The following SLC29A1 variants were observed in gnomAD, a reference collection of about 807,000 sequenced individuals.
The protein encoded by SLC29A1 is solute carrier family 29 member 1 (Augustine blood group), also known as equilibrative nucleoside transporter 1.
A neutral mutation model predicts 48.3 loss-of-function variants in SLC29A1; 22 were observed. The ratio of observed to expected loss-of-function variants is 0.46; its 90% CI spans 0.33 to 0.65. The LOEUF (loss-of-function observed/expected upper bound fraction) is 0.65, where lower values mean the gene tolerates loss of function less well. SLC29A1 is among the 30% of genes least tolerant of loss of function. The pLI is 0.03. For missense variants in SLC29A1, 491 were observed against 575.3 expected (o/e 0.85, Z 1.50); for synonymous variants, 228 against 231.0 (o/e 0.99, Z 0.12).
At chr6:44,223,292 G>A (rs1776678121), upstream of SLC29A1, among the ~76,000 whole-genome samples, 1 of 151,804 alleles carries the variant, frequency 6.6e-6, no homozygotes, top group Non-Finnish European at 1.5e-5. The surrounding 1 kb of genome is among the most constrained non-coding windows in gnomAD (Gnocchi z 5.0). Flanking sequence ...AATTTTATGG[G>A]AGTCTGCGCA....
At position 44,230,029 on chromosome 6, in the gene SLC29A1, A is replaced by C. The variant is rs781595093; in HGVS notation, c.437A>C (p.Lys146Thr). 1.2e-6 allele frequency: 2 copies of C among 1,608,530 alleles called. No homozygotes were observed. The highest frequency in any genetic ancestry group is 1.7e-6 in the Non-Finnish European group (2 of 1,180,004). Residue 146 changes from lysine (K) to threonine (T), a missense_variant, in exon 5 of 13, where the codon AAG (lysine) becomes ACG (threonine). Transcript: ENST00000371755. ...CCCTTCTTTGTCATCACCATGATCA[A>C]GATCGTGCTCATTAATTGTAAGCTG... ...ALPFFVITMI[K>T]IVLINSFGAI...
Position 44,230,439 on chromosome 6 carries a change from G to A in SLC29A1, c.547G>A (p.Ala183Thr). 6.2e-7 allele frequency: 1 copy of A among 1,613,942 alleles called. No homozygotes were observed. The highest frequency in any genetic ancestry group is 8.5e-7 in the Non-Finnish European group (1 of 1,179,998). Residue 183 changes from alanine to threonine, a missense_variant, in exon 6 of 13, where the codon GCA (alanine) becomes ACA (threonine). Physicochemically the swap from Ala to Thr is moderately conservative, Grantham distance 58 (BLOSUM62 0). Transcript: ENST00000371755. ...CCCCATCATGAGTGGCCAGGGCCTA[G>A]CAGGCTTCTTTGCCTCCGTGGCCAT... The part of the protein sequence containing the change: ...TAPIMSGQGL[A>T]GFFASVAMIC...
In SLC29A1 at chr6:44,229,275, G is replaced by A. The variant is rs560062705; in HGVS notation, c.30-115G>A. Reference sequence around the variant, plus strand: ...CATGCAAACGGACACAAACACAGACGCCCTGTGCCCTGGGACCTAGAGAGA... The same window carrying A: ...CATGCAAACGGACACAAACACAGACACCCTGTGCCCTGGGACCTAGAGAGA... On this transcript the variant is annotated intron_variant, in intron 2 of 12. Transcript: ENST00000371755. This position sits in a 1 kb window ranked among gnomAD's most constrained non-coding sequence, Gnocchi z 5.1. The A allele has an allele frequency of 9.4e-5, 76 of 810,142 alleles. No homozygotes were observed. Among genetic ancestry groups the A allele is most frequent in the Non-Finnish European group, 1.5e-4 (68 of 454,672 alleles). The allele number at this position is 810,142 out of a possible 1,614,324, so 50.2% of individuals were successfully genotyped here. A position where few individuals can be genotyped will look rare whatever the true frequency, so the allele number is the denominator to read the frequency against.
chr6:44,233,216 A>G (rs760370), intron 12 of SLC29A1, among the ~76,000 whole-genome samples: 53,931 of 151,918 alleles, frequency 0.36, 9,836 homozygotes, highest in Middle Eastern at 0.4. Flanking sequence ...ACAGGTTTGC[A>G]GGAAGGAGTG....
Position 44,233,430 on chromosome 6 carries a change from G to T in SLC29A1, c.1273G>T (p.Ala425Ser), listed in dbSNP as rs1234755791. Reference sequence around the variant, plus strand: ...TTCCCCGCTTAGGAAAGTGAAGCCAGCTGAGGCAGAGACCGCAGGAGCCAT... The same window carrying T: ...TTCCCCGCTTAGGAAAGTGAAGCCATCTGAGGCAGAGACCGCAGGAGCCAT... ...MCFGPKKVKP[A>S]EAETAGAIMA... The change falls in exon 13 of 13, where the codon GCT becomes TCT. Residue 425 changes from alanine (A) to serine (S), a missense_variant. Coordinates refer to ENST00000371755, the MANE Select transcript of SLC29A1 (RefSeq NM_001372327.1). The T allele has an allele frequency of 6.2e-7, 1 of 1,613,988 alleles. No homozygotes were observed. The highest frequency in any genetic ancestry group is 1.1e-5 in the South Asian group (1 of 91,086).
At chr6:44,226,850 C>T in intron 1 of SLC29A1, 1 of 1,026,436 alleles carries the variant, frequency 9.7e-7, no homozygotes, top group Non-Finnish European at 1.2e-6. Context: ...ATTTGTCTCC[C>T]TCCTTCCCTT....
intron 1 of SLC29A1, chr6:44,225,735 G>C (rs1243684157): frequency 1.3e-5 from 2 of 152,274 alleles, no homozygotes; most frequent in African/African-American, 4.8e-5. Flanking sequence ...CTGAGGGGCT[G>C]AGGAGGACCT....
intron 1 of SLC29A1, chr6:44,226,962 C>T (rs1582939777): frequency 1.8e-6 from 2 of 1,133,206 alleles, no homozygotes; most frequent in East Asian, 1.1e-4. Context: ...CTGCTCTCCA[C>T]CCTCCTGTTT....
In SLC29A1 at chr6:44,233,445, G is replaced by A. The variant is rs74750454; in HGVS notation, c.1288G>A (p.Ala430Thr). 1.8e-3 allele frequency: 2,900 copies of A among 1,614,006 alleles called. 2 individuals are homozygous for A. Among genetic ancestry groups the A allele is most frequent in the Non-Finnish European group, 2.0e-3 (2,374 of 1,179,884 alleles). The change falls in exon 13 of 13, where the codon GCA (alanine) becomes ACA (threonine). Residue 430 changes from alanine to threonine, a missense_variant. Ala to Thr is a moderately conservative substitution (Grantham distance 58). Transcript: ENST00000371755. ...KKVKPAEAET[A>T]GAIMAFFLCL... ...AGTGAAGCCAGCTGAGGCAGAGACCGCAGGAGCCATCATGGCCTTCTTCCT... is the reference window on the plus strand; with the variant it reads ...AGTGAAGCCAGCTGAGGCAGAGACCACAGGAGCCATCATGGCCTTCTTCCT...
chr6:44,219,887 C>A, upstream of SLC29A1: 1 of 759,720 alleles, frequency 1.3e-6, no homozygotes, highest in Non-Finnish European at 1.9e-6. Flanking sequence ...GTAGGGGGAC[C>A]CGCTGGGCTA....
upstream of SLC29A1, among the ~76,000 whole-genome samples, chr6:44,222,831 T>C (rs979631652): frequency 6.6e-6 from 1 of 152,238 alleles, no homozygotes; most frequent in African/African-American, 2.4e-5. Context: ...TCTCTTCCCA[T>C]TCCCACCTGT....
chr6:44,232,901 AC>A lies in SLC29A1; in HGVS notation c.1156del (p.Leu386Ter). On this transcript the variant is annotated frameshift_variant, in exon 12 of 13. Transcript: ENST00000371755. LOFTEE classifies it high-confidence loss of function. This position sits in a 1 kb window ranked among gnomAD's most constrained non-coding sequence, Gnocchi z 4.7. ...LLLCNIKPRRYLTVVFEHDAW... is the reference protein window; with the variant it reads ...LLLCNIKPRRXLTVVFEHDAW... Reference sequence around the variant, plus strand: ...CTGTGCAACATTAAGCCCCGCCGCTACCTGACTGTGGTCTTCGAGCACGATG... The same window carrying A: ...CTGTGCAACATTAAGCCCCGCCGCTACTGACTGTGGTCTTCGAGCACGATG... 1 of 1,614,182 alleles carries A rather than the reference AC, an allele frequency of 6.2e-7. No individual in the cohort carries two copies. The highest frequency in any genetic ancestry group is 1.1e-5 in the South Asian group (1 of 91,090).
chr6:44,222,312 G>A (rs1206315840), upstream of SLC29A1, among the ~76,000 whole-genome samples: 1 of 152,102 alleles, frequency 6.6e-6, no homozygotes, highest in Non-Finnish European at 1.5e-5. Flanking sequence ...TCATCTCTGT[G>A]GGGCATGGAA....
Position 44,229,602 on chromosome 6 carries a change from G to A in SLC29A1, c.125G>A (p.Arg42His), listed in dbSNP as rs193022001. Residue 42 changes from arginine (R) to histidine (H), a missense_variant, in exon 4 of 13, where the codon CGC becomes CAC. Arg to His is a conservative substitution (Grantham distance 29). Coordinates refer to ENST00000371755, the MANE Select transcript of SLC29A1 (RefSeq NM_001372327.1). This position sits in a 1 kb window ranked among gnomAD's most constrained non-coding sequence, Gnocchi z 5.1. Reference sequence around the variant, plus strand: ...CAACCCCTGCAGTATTTCACAAACCGCCTGGACATGTCCCAGAATGTGTCC... The same window carrying A: ...CAACCCCTGCAGTATTTCACAAACCACCTGGACATGTCCCAGAATGTGTCC... ...FMTATQYFTN[R>H]LDMSQNVSLV... The A allele has an allele frequency of 2.8e-5, 45 of 1,613,952 alleles. No individual in the cohort carries two copies. The highest frequency in any genetic ancestry group is 2.0e-4 in the South Asian group (18 of 91,086).
At position 44,223,796 on chromosome 6, in the gene SLC29A1, G is replaced by A. The variant is rs1368474895; in HGVS notation, c.-52+155G>A. Reference sequence around the variant, plus strand: ...GCCCCAGTGCGGAGCGTGCGGAGCCGCGCAGCACGTGGCGCGCACGGGCCA... The same window carrying A: ...GCCCCAGTGCGGAGCGTGCGGAGCCACGCAGCACGTGGCGCGCACGGGCCA... On this transcript the variant is annotated intron_variant, in intron 1 of 12. Transcript: ENST00000371755. This position sits in a 1 kb window ranked among gnomAD's most constrained non-coding sequence, Gnocchi z 5.0. 1 of 1,022,326 alleles carries A rather than the reference G, an allele frequency of 9.8e-7. No homozygotes were observed. The highest frequency in any genetic ancestry group is 1.2e-6 in the Non-Finnish European group (1 of 851,204). 63.3% of individuals were successfully genotyped at this position (1,022,326 alleles called of 1,614,324 possible). A position where few individuals can be genotyped will look rare whatever the true frequency, so the allele number is the denominator to read the frequency against.
In SLC29A1 at chr6:44,227,331, G is replaced by A. The variant is rs750615107; in HGVS notation, c.18G>A (p.Gln6=). 2.5e-6 allele frequency: 4 copies of A among 1,613,950 alleles called. No individual in the cohort carries two copies. The highest frequency in any genetic ancestry group is 1.1e-5 in the South Asian group (1 of 91,078). Residue 6 remains glutamine (Q), a synonymous_variant, in exon 2 of 13, where the codon CAG becomes CAA. Coordinates refer to ENST00000371755, the MANE Select transcript of SLC29A1 (RefSeq NM_001372327.1). ...CCATCACCATGACAACCAGTCACCA[G>A]CCTCAGGACAGGTAAGGGGTAAGGG... MTTSH[Q]PQDRYKAVWL... is the part of the protein sequence containing the mutation.
chr6:44,221,442 G>T, upstream of SLC29A1: 1 of 366,016 alleles, frequency 2.7e-6, no homozygotes, highest in Non-Finnish European at 5.4e-6. This position sits in a 1 kb window ranked among gnomAD's most constrained non-coding sequence, Gnocchi z 4.2. Context: ...AGAGAGGACT[G>T]TGTGTGAGGT....
intron 2 of SLC29A1, among the ~76,000 whole-genome samples, chr6:44,228,225 G>A (rs902358524): frequency 6.6e-6 from 1 of 152,108 alleles, no homozygotes; most frequent in Non-Finnish European, 1.5e-5. Flanking sequence ...CCCCACCTCC[G>A]CTCTCCTGTG....
At chr6:44,221,587 G>A, upstream of SLC29A1, 1 of 1,282,366 alleles carries the variant, frequency 7.8e-7, no homozygotes, top group South Asian at 1.2e-5. The surrounding 1 kb of genome is among the most constrained non-coding windows in gnomAD (Gnocchi z 4.2). Context: ...CTTCGACAGG[G>A]ACCTGAGGGA....
Sources: allele counts gnomAD v4.1 joint callset (sites outside exome capture counted in the v4.1 genomes callset), GRCh38; gene constraint gnomAD v4.1.1; non-coding constraint Gnocchi (gnomAD v3.1); transcripts MANE v1.5; gene names NCBI Gene and HGNC (gene_info 2026-07-23, HGNC 2026-07-21).